Variants in CWH43 observed in about 807,000 individuals in gnomAD.
The protein encoded by CWH43 is cell wall biogenesis 43 C-terminal homolog, also known as PGAP2-interacting protein.
A neutral mutation model predicts 85.7 loss-of-function variants in CWH43; 91 were observed. That is an observed-to-expected ratio of 1.06 (90% confidence interval 0.90 to 1.26). CWH43 has a LOEUF of 1.26. Among genes scored for constraint, CWH43 ranks in the 50% most tolerant of loss-of-function variants. The probability of loss-of-function intolerance (pLI) is 0.00; values close to 1 mark genes in which losing one functional copy is unlikely to be tolerated. For missense variants in CWH43, 869 were observed against 839.2 expected (o/e 1.04, Z -0.44); for synonymous variants, 323 against 293.6 (o/e 1.10, Z -1.02).
chr4:49,035,791 C>T (rs982276029), intron 12 of CWH43, among the ~76,000 whole-genome samples: 4 of 152,076 alleles, frequency 2.6e-5, no homozygotes, highest in African/African-American at 9.7e-5. Flanking sequence ...AGATTACTTC[C>T]AGTTAGAATA....
chr4:49,016,651 A>G, intron 8 of CWH43: 1 of 755,856 alleles, frequency 1.3e-6, no homozygotes, highest in Non-Finnish European at 2.5e-6. Flanking sequence ...AAGCATGTGC[A>G]GGGGAGGGGC....
intron 9 of CWH43, among the ~76,000 whole-genome samples, chr4:49,027,199 A>G (rs1392348965): frequency 6.6e-6 from 1 of 152,156 alleles, no homozygotes; most frequent in Non-Finnish European, 1.5e-5. Flanking sequence ...GGTGTAATGG[A>G]AGTAGAGTTG....
At chr4:49,038,222 C>T (rs765629204) in intron 13 of CWH43, 42 bp downstream of exon 13, 21 of 1,447,958 alleles carry the variant, frequency 1.5e-5, no homozygotes, top group Non-Finnish European at 1.9e-5. Flanking sequence ...TTAAGTAAAA[C>T]ATTTCTTTTT....
intron 8 of CWH43, among the ~76,000 whole-genome samples, chr4:49,010,860 T>C (rs1324691938): frequency 1.3e-5 from 2 of 152,188 alleles, no homozygotes; most frequent in African/African-American, 4.8e-5. Flanking sequence ...ATGATTTTGG[T>C]TCTTTTATGT....
At chr4:49,023,960 T>C (rs1440414502) in intron 9 of CWH43, among the ~76,000 whole-genome samples, 4 of 152,346 alleles carry the variant, frequency 2.6e-5, no homozygotes, top group South Asian at 2.1e-4. Flanking sequence ...TCCCCACTGT[T>C]ACTGTGCTGC....
chr4:49,038,322 A>C, intron 13 of CWH43, 142 bp downstream of exon 13: 1 of 640,568 alleles, frequency 1.6e-6, no homozygotes, highest in South Asian at 2.3e-5. Context: ...AAAACATGTG[A>C]GCTTAAAACA....
chr4:49,039,416 G>GAT (rs1302857761), intron 13 of CWH43, among the ~76,000 whole-genome samples: 3 of 119,366 alleles, frequency 2.5e-5, no homozygotes, highest in Non-Finnish European at 3.5e-5. Flanking sequence ...TATATATACT[G>GAT]ATATATATAT....
At chr4:49,040,475 T>C (rs915648436) in intron 13 of CWH43, among the ~76,000 whole-genome samples, 33 of 152,356 alleles carry the variant, frequency 2.2e-4, no homozygotes, top group African/African-American at 7.5e-4. Context: ...GTGGTTTTGA[T>C]TTGCATTTCT....
chr4:49,017,822 G>C (rs1783606402), intron 9 of CWH43, among the ~76,000 whole-genome samples: 1 of 151,814 alleles, frequency 6.6e-6, no homozygotes, highest in Admixed American at 6.6e-5. Context: ...GAGAGAGAGG[G>C]AGTAGGTGCT....
intron 7 of CWH43, among the ~76,000 whole-genome samples, chr4:49,004,379 A>AT: frequency 6.6e-6 from 1 of 152,210 alleles, no homozygotes; most frequent in Admixed American, 6.5e-5. Flanking sequence ...GGGGATTGTG[A>AT]TTTTTTGGGG....
At chr4:49,028,987 C>A (rs940069816) in intron 10 of CWH43, among the ~76,000 whole-genome samples, 1 of 152,120 alleles carries the variant, frequency 6.6e-6, no homozygotes. Flanking sequence ...TACTGAGTAT[C>A]TTTAGGGGAT....
At chr4:49,048,901 T>A (rs1486301555) in intron 14 of CWH43, among the ~76,000 whole-genome samples, 1 of 152,138 alleles carries the variant, frequency 6.6e-6, no homozygotes, top group Non-Finnish European at 1.5e-5. Context: ...ACAAAACTAA[T>A]TTTGTAAGCC....
chr4:49,051,390 G>C (rs540158597), intron 15 of CWH43, among the ~76,000 whole-genome samples: 8 of 152,262 alleles, frequency 5.3e-5, no homozygotes, highest in African/African-American at 1.4e-4. Context: ...GATTCACCTG[G>C]ACAGCTTTTA....
intron 7 of CWH43, among the ~76,000 whole-genome samples, chr4:49,004,804 C>T (rs973694714): frequency 1.3e-5 from 2 of 152,096 alleles, no homozygotes; most frequent in African/African-American, 2.4e-5. Context: ...TATGAATTTG[C>T]ATACCAAAAT....
intron 11 of CWH43, 116 bp from the exon 12 acceptor site, chr4:49,032,450 C>A (rs1185682315): frequency 3.5e-6 from 4 of 1,135,812 alleles, no homozygotes; most frequent in African/African-American, 1.5e-5. Flanking sequence ...CTTTGAATGT[C>A]CCTTGGTGGG....
chr4:49,038,431 C>T (rs1222551108), intron 13 of CWH43, among the ~76,000 whole-genome samples: 1 of 152,130 alleles, frequency 6.6e-6, no homozygotes, highest in East Asian at 1.9e-4. Context: ...GTGTCTCAAC[C>T]AAGGACTGGA....
intron 15 of CWH43, 103 bp downstream of exon 15, chr4:49,050,952 G>A (rs1229430366): frequency 3.4e-6 from 3 of 870,244 alleles, no homozygotes; most frequent in Non-Finnish European, 5.1e-6. Context: ...TTGTCCTAGA[G>A]GTTTATTCCA....
chr4:49,050,793 C>G lies in CWH43; in HGVS notation c.1965C>G (p.Asn655Lys). 1 of 1,612,586 alleles carries G rather than the reference C, an allele frequency of 6.2e-7. No individual in the cohort carries two copies. The highest frequency in any genetic ancestry group is 8.5e-7 in the Non-Finnish European group (1 of 1,178,914). ...IPDDPTNYRD[N>K]QKVVIDHREV... ...ATGACCCCACTAATTATAGAGACAA[C>G]CAGAAAGTGGTCATAGACCACAGAG... The change falls in exon 15 of 16, where the codon AAC becomes AAG. Residue 655 changes from asparagine to lysine, a missense_variant. By Grantham distance (94) the Asn-to-Lys change is moderately conservative. Around this residue, in one of 3 missense-constraint regions of CWH43, gnomAD observed 577 missense variants for 513.1 expected, o/e 1.12. Transcript: ENST00000226432.
In CWH43 at chr4:49,034,099, C is replaced by A. The variant is rs899914295; in HGVS notation, c.1658+1384C>A. Among the ~76,000 whole-genome samples, 6 of 152,214 alleles carry A rather than the reference C, an allele frequency of 3.9e-5. No individual in the cohort carries two copies. In the South Asian group the frequency reaches 1.0e-3, roughly 26 times the overall value. On this transcript the variant is annotated intron_variant, in intron 12 of 15. Transcript: ENST00000226432. ...TAATATGAACCATTTATGAACCAGA[C>A]TCTTGCTTACCTCCTTAGAAATAAG...
Sources: allele counts gnomAD v4.1 joint callset (sites outside exome capture counted in the v4.1 genomes callset), GRCh38; gene constraint gnomAD v4.1.1; regional missense constraint gnomAD v4.1.1; transcripts MANE v1.5; gene names NCBI Gene and HGNC (gene_info 2026-07-23, HGNC 2026-07-21).